ZRANB3: variants seen among roughly 807,000 people sequenced by gnomAD.
The protein encoded by ZRANB3 is DNA annealing helicase and endonuclease ZRANB3.
ZRANB3 carries 125 observed loss-of-function variants against 133.8 expected under a neutral mutation model. That is an observed-to-expected ratio of 0.93 (90% CI 0.81 to 1.08). The LOEUF is 1.08. ZRANB3 is among the 50% of genes least tolerant of loss of function. The probability of loss-of-function intolerance (pLI) is 0.00; values close to 1 mark genes in which losing one functional copy is unlikely to be tolerated. For missense variants in ZRANB3, 1,229 were observed against 1,275.5 expected (o/e 0.96, Z 0.56); for synonymous variants, 387 against 432.7 (o/e 0.89, Z 1.31).
intron 18 of ZRANB3, among the ~76,000 whole-genome samples, chr2:135,208,532 T>TA: frequency 6.6e-6 from 1 of 152,236 alleles, no homozygotes. Context: ...GGTTGTTTGT[T>TA]AGAAGAGTTA....
intron 2 of ZRANB3, among the ~76,000 whole-genome samples, chr2:135,496,782 C>G (rs1692692763): frequency 6.6e-6 from 1 of 152,170 alleles, no homozygotes; most frequent in Admixed American, 6.6e-5. Context: ...AAACTATACA[C>G]AGAAATTTCA....
At chr2:135,292,369 T>A (rs1411296181) in intron 8 of ZRANB3, among the ~76,000 whole-genome samples, 1 of 152,210 alleles carries the variant, frequency 6.6e-6, no homozygotes, top group East Asian at 1.9e-4. Flanking sequence ...TTTTTTCATG[T>A]GTCTTTTGGC....
intron 20 of ZRANB3, chr2:135,202,566 G>A (rs1693668100): frequency 1.5e-5 from 4 of 268,268 alleles, no homozygotes; most frequent in Non-Finnish European, 2.8e-5. Flanking sequence ...GTCTCATCAA[G>A]ACAATATGTA....
chr2:135,424,058 T>G (rs1574082609), intron 2 of ZRANB3, among the ~76,000 whole-genome samples: 1 of 152,260 alleles, frequency 6.6e-6, no homozygotes, highest in East Asian at 1.9e-4. Flanking sequence ...TGCAAAACTC[T>G]GTTTAAAAAA....
intron 8 of ZRANB3, among the ~76,000 whole-genome samples, chr2:135,277,481 G>A (rs1020234004): frequency 6.6e-6 from 1 of 152,122 alleles, no homozygotes; most frequent in Non-Finnish European, 1.5e-5. Flanking sequence ...AACTGGAAGA[G>A]ATTGCATTTA....
intron 2 of ZRANB3, among the ~76,000 whole-genome samples, chr2:135,392,358 G>C (rs1486489964): frequency 2.5e-5 from 3 of 120,316 alleles, no homozygotes; most frequent in Non-Finnish European, 5.2e-5. Context: ...AAAAAAAAGG[G>C]GGGGGGGGCA....
At chr2:135,267,991 ACT>A (rs1680326390) in intron 11 of ZRANB3, among the ~76,000 whole-genome samples, 4 of 152,242 alleles carry the variant, frequency 2.6e-5, no homozygotes, top group Admixed American at 2.6e-4. Flanking sequence ...GTAGTCAGCA[ACT>A]TGGAAGAGGG....
At chr2:135,225,150 G>A (rs1317259991) in intron 14 of ZRANB3, among the ~76,000 whole-genome samples, 1 of 152,164 alleles carries the variant, frequency 6.6e-6, no homozygotes, top group Non-Finnish European at 1.5e-5. Context: ...CACTGTTGTA[G>A]GTACATACAG....
intron 2 of ZRANB3, among the ~76,000 whole-genome samples, chr2:135,412,886 A>G (rs1036538115): frequency 6.6e-6 from 1 of 152,166 alleles, no homozygotes; most frequent in Non-Finnish European, 1.5e-5. Context: ...TGAACAGAAA[A>G]GGCAGTTCTT....
intron 12 of ZRANB3, among the ~76,000 whole-genome samples, chr2:135,234,623 G>C (rs1695203175): frequency 6.6e-6 from 1 of 152,156 alleles, no homozygotes. Flanking sequence ...CTAGAACTCA[G>C]GATTAAGAAA....
intron 1 of ZRANB3, among the ~76,000 whole-genome samples, chr2:135,526,437 T>C (rs1694165537): frequency 6.6e-6 from 1 of 152,192 alleles, no homozygotes; most frequent in Non-Finnish European, 1.5e-5. Flanking sequence ...GTGCTGGGAT[T>C]ACAGGCGTGA....
At chr2:135,417,461 A>C (rs1377812604) in intron 2 of ZRANB3, among the ~76,000 whole-genome samples, 3 of 152,104 alleles carry the variant, frequency 2.0e-5, no homozygotes, top group Admixed American at 6.6e-5. Flanking sequence ...TCAGGAAACA[A>C]CAAGTGCTGG....
At chr2:135,418,923 CTCTTTTTTTTTTTT>C (rs1558986946) in intron 2 of ZRANB3, among the ~76,000 whole-genome samples, 2 of 114,326 alleles carry the variant, frequency 1.7e-5, no homozygotes, top group African/African-American at 7.2e-5. Flanking sequence ...TAAGGATTCT[CTCTTTTTTTTTTTT>C]TTTTTTTTTT....
chr2:135,213,053 G>A (rs1694166528), intron 17 of ZRANB3, among the ~76,000 whole-genome samples: 3 of 151,792 alleles, frequency 2.0e-5, no homozygotes, highest in South Asian at 4.2e-4. Flanking sequence ...CATCACTGGC[G>A]GATAATCTGG....
intron 3 of ZRANB3, among the ~76,000 whole-genome samples, chr2:135,362,120 C>G (rs1475712300): frequency 2.6e-5 from 4 of 151,584 alleles, no homozygotes; most frequent in Non-Finnish European, 5.9e-5. Context: ...ATGGCATGAA[C>G]CTGGGAGGCG....
intron 2 of ZRANB3, among the ~76,000 whole-genome samples, chr2:135,454,178 T>G (rs564236915): frequency 5.7e-4 from 87 of 152,340 alleles, no homozygotes; most frequent in African/African-American, 2.0e-3. Context: ...TACCTCCCAC[T>G]GGGTCCCTTC....
At chr2:135,392,063 T>G (rs1687261659) in intron 2 of ZRANB3, among the ~76,000 whole-genome samples, 1 of 152,120 alleles carries the variant, frequency 6.6e-6, no homozygotes, top group African/African-American at 2.4e-5. Flanking sequence ...CGGGTGTTCC[T>G]TTGAGACAGC....
chr2:135,363,195 A>C (rs979713997), intron 3 of ZRANB3, among the ~76,000 whole-genome samples: 17 of 152,300 alleles, frequency 1.1e-4, no homozygotes, highest in African/African-American at 4.1e-4. Context: ...TTGAGACAGG[A>C]TCTCGCACTG....
rs116302427 is a variant in ZRANB3, at chr2:135,471,297, T to A, written c.161+33032A>T. Among the ~76,000 whole-genome samples, 453 of 152,286 alleles carry A rather than the reference T, an allele frequency of 3.0e-3. 2 individuals are homozygous for A. Among genetic ancestry groups the A allele is most frequent in the African/African-American group, 0.01 (429 of 41,562 alleles). On this transcript the variant is annotated intron_variant, in intron 2 of 20. Coordinates refer to ENST00000264159, the MANE Select transcript of ZRANB3 (RefSeq NM_032143.4). ...TCTTTCACCTACTCATATGAGTCAG[T>A]TTTATATAACACTGTAACACATAAT...
Sources: gnomAD v4.1 joint callset for allele counts (sites outside exome capture counted in the v4.1 genomes callset) on GRCh38, gnomAD v4.1.1 for gene constraint, MANE v1.5 for transcripts, NCBI Gene and HGNC (gene_info 2026-07-23, HGNC 2026-07-21) for gene names.